The following CTTNBP2NL variants were observed in gnomAD, a reference collection of about 807,000 sequenced individuals.
CTTNBP2NL encodes CTTNBP2 N-terminal-like protein.
Under a neutral mutation model 32.5 loss-of-function variants are expected in CTTNBP2NL, and 16 were observed. The ratio of observed to expected loss-of-function variants is 0.49; its 90% CI spans 0.33 to 0.75. CTTNBP2NL has a LOEUF of 0.75. Among genes scored for constraint, CTTNBP2NL ranks in the 30% least tolerant of loss-of-function variants. The probability of loss-of-function intolerance (pLI) is 0.02; values close to 1 mark genes in which losing one functional copy is unlikely to be tolerated. For synonymous variants in CTTNBP2NL, 298 were observed against 289.4 expected (o/e 1.03, Z -0.30); for missense variants, 645 against 756.0 (o/e 0.85, Z 1.72).
upstream of CTTNBP2NL, chr1:112,396,125 G>A (rs894060572): frequency 1.3e-5 from 2 of 152,290 alleles, no homozygotes; most frequent in Non-Finnish European, 2.9e-5. Context: ...CAGCCGGCGC[G>A]GATTGGGGCC....
chr1:112,423,754 C>T (rs183360698), intron 3 of CTTNBP2NL, among the ~76,000 whole-genome samples: 26 of 152,292 alleles, frequency 1.7e-4, no homozygotes, highest in African/African-American at 7.2e-5. Flanking sequence ...GACGGAGTCT[C>T]GCTGTGTCGC....
chr1:112,430,238 A>C, intron 3 of CTTNBP2NL, among the ~76,000 whole-genome samples: 1 of 121,556 alleles, frequency 8.2e-6, no homozygotes, highest in Non-Finnish European at 1.7e-5. Flanking sequence ...TTTCTCTTTC[A>C]TTTTTGAGAC....
chr1:112,400,284 G>A (rs1648458201), intron 1 of CTTNBP2NL, among the ~76,000 whole-genome samples: 1 of 152,212 alleles, frequency 6.6e-6, no homozygotes, highest in Non-Finnish European at 1.5e-5. Context: ...TCCAGGGCAA[G>A]AGAAAAATTT....
At chr1:112,420,148 C>CTT (rs34995369) in intron 3 of CTTNBP2NL, among the ~76,000 whole-genome samples, 23 of 134,274 alleles carry the variant, frequency 1.7e-4, no homozygotes, top group African/African-American at 4.6e-4. Context: ...GTTGGAGTGG[C>CTT]TTTTTTTTTT....
chr1:112,402,671 A>G (rs532777726), intron 1 of CTTNBP2NL, among the ~76,000 whole-genome samples: 4 of 152,318 alleles, frequency 2.6e-5, no homozygotes, highest in Admixed American at 2.6e-4. Context: ...AGAAGTAACA[A>G]CAGAACCAAT....
At chr1:112,445,021 G>A (rs1287505618) in intron 3 of CTTNBP2NL, among the ~76,000 whole-genome samples, 1 of 152,194 alleles carries the variant, frequency 6.6e-6, no homozygotes, top group Non-Finnish European at 1.5e-5. Flanking sequence ...TTCCATCTTG[G>A]TCTCTGTCTC....
intron 3 of CTTNBP2NL, among the ~76,000 whole-genome samples, chr1:112,448,426 A>T (rs970958107): frequency 6.6e-6 from 1 of 152,148 alleles, no homozygotes; most frequent in Admixed American, 6.5e-5. Context: ...AAATATATAA[A>T]CTCATAAAAT....
chr1:112,446,655 A>G (rs1054299720), intron 3 of CTTNBP2NL, among the ~76,000 whole-genome samples: 4 of 152,120 alleles, frequency 2.6e-5, no homozygotes, highest in African/African-American at 9.7e-5. Context: ...GGCTCAACCA[A>G]TCCTCCTGCT....
chr1:112,404,711 A>G (rs1378918098), intron 1 of CTTNBP2NL, among the ~76,000 whole-genome samples: 1 of 152,264 alleles, frequency 6.6e-6, no homozygotes, highest in East Asian at 1.9e-4. Context: ...GATTGAAATC[A>G]TGTTACAATT....
At chr1:112,429,204 G>A (rs890287570) in intron 3 of CTTNBP2NL, among the ~76,000 whole-genome samples, 4 of 152,124 alleles carry the variant, frequency 2.6e-5, no homozygotes, top group Admixed American at 1.3e-4. Context: ...CAGATTAACT[G>A]TGCTCAGCTA....
chr1:112,399,712 A>C (rs977564787), intron 1 of CTTNBP2NL, among the ~76,000 whole-genome samples: 4 of 152,208 alleles, frequency 2.6e-5, no homozygotes, highest in African/African-American at 9.7e-5. Flanking sequence ...AAATTTGTTC[A>C]GTCTATGCTG....
At chr1:112,422,017 T>G (rs1649246910) in intron 3 of CTTNBP2NL, among the ~76,000 whole-genome samples, 1 of 152,196 alleles carries the variant, frequency 6.6e-6, no homozygotes. Flanking sequence ...ATTTGATATG[T>G]GCATACTGAT....
At position 112,457,631 on chromosome 1, in the gene CTTNBP2NL, C is replaced by T; in HGVS notation, c.*219C>T. The T allele has an allele frequency of 2.0e-6, 1 of 492,412 alleles. No individual in the cohort carries two copies. 30.5% of individuals were successfully genotyped at this position (492,412 alleles called of 1,614,324 possible). ...TTTTACTGAAGCCAGAAAGGCACCT[C>T]AAAGATGTCTCAAGCTCAGCAGTCA... On this transcript the variant is annotated 3_prime_UTR_variant, in exon 6 of 6. Transcript: ENST00000271277.
At chr1:112,395,058 A>C (rs900418760), upstream of CTTNBP2NL, among the ~76,000 whole-genome samples, 1 of 152,232 alleles carries the variant, frequency 6.6e-6, no homozygotes, top group African/African-American at 2.4e-5. Context: ...GTCAGACTGT[A>C]AACTGCATGA....
At chr1:112,433,917 T>C (rs1240988949) in intron 3 of CTTNBP2NL, among the ~76,000 whole-genome samples, 1 of 151,822 alleles carries the variant, frequency 6.6e-6, no homozygotes, top group African/African-American at 2.4e-5. Context: ...TTTTTTTTTT[T>C]TAAAGAGACG....
At chr1:112,415,626 G>A (rs1244534361) in intron 2 of CTTNBP2NL, among the ~76,000 whole-genome samples, 4 of 150,724 alleles carry the variant, frequency 2.7e-5, no homozygotes, top group East Asian at 2.0e-4. Flanking sequence ...GCGTGGTCTC[G>A]GCTCACTGCA....
upstream of CTTNBP2NL, among the ~76,000 whole-genome samples, chr1:112,394,549 C>T (rs1181115343): frequency 6.6e-6 from 1 of 152,192 alleles, no homozygotes; most frequent in East Asian, 1.9e-4. Context: ...AGGCATAATG[C>T]CTTTCTGAAG....
intron 3 of CTTNBP2NL, among the ~76,000 whole-genome samples, chr1:112,428,865 A>G (rs1649479434): frequency 2.0e-5 from 3 of 152,216 alleles, no homozygotes; most frequent in African/African-American, 4.8e-5. Flanking sequence ...TTTGAAAAAC[A>G]TTAGTCTAAA....
chr1:112,419,345 T>C (rs1649158142), intron 3 of CTTNBP2NL, among the ~76,000 whole-genome samples: 1 of 152,240 alleles, frequency 6.6e-6, no homozygotes, highest in Non-Finnish European at 1.5e-5. Context: ...AAATGTTATG[T>C]CTTTGTTGAA....
Sources: gnomAD v4.1 joint callset for allele counts (sites outside exome capture counted in the v4.1 genomes callset) on GRCh38, gnomAD v4.1.1 for gene constraint, MANE v1.5 for transcripts, NCBI Gene and HGNC (gene_info 2026-07-23, HGNC 2026-07-21) for gene names.